Variants in SLC45A3 observed in about 807,000 individuals in gnomAD.
The protein encoded by SLC45A3 is prostate cancer associated protein 2.
A neutral mutation model predicts 35.3 loss-of-function variants in SLC45A3; 17 were observed. That is an observed-to-expected ratio of 0.48 (90% CI 0.33 to 0.72). SLC45A3 has a LOEUF of 0.72. Ranked by LOEUF, SLC45A3 falls within the 30% of genes least tolerant of loss-of-function variation. The pLI is 0.02. For missense variants in SLC45A3, 597 were observed against 731.7 expected (o/e 0.82, Z 2.12); for synonymous variants, 288 against 334.3 (o/e 0.86, Z 1.51).
chr1:205,664,648 C>T lies in SLC45A3; in HGVS notation c.9G>A (p.Gln3=). The T allele has an allele frequency of 6.2e-7, 1 of 1,614,212 alleles. No homozygotes were observed. The highest frequency in any genetic ancestry group is 8.5e-7 in the Non-Finnish European group (1 of 1,180,022). The part of the protein sequence containing the change: MV[Q]RLWVSRLLRH... ...GCAGCAGGCGGCTCACCCACAGCCT[C>T]TGGACCATAGTGGGCCAGGCGGGTA... is the stretch of plus-strand genomic sequence containing the variant. Residue 3 remains glutamine (Q), a synonymous_variant, in exon 2 of 5, where the codon CAG becomes CAA. Coordinates refer to ENST00000367145, the MANE Select transcript of SLC45A3 (RefSeq NM_033102.3). The surrounding 1 kb of genome is among the most constrained non-coding windows in gnomAD (Gnocchi z 5.3).
At position 205,663,161 on chromosome 1, in the gene SLC45A3, G is replaced by C; in HGVS notation, c.630C>G (p.Cys210Trp). Reference protein sequence around the residue: ...FGLLTLIFLTCVAATLLVAEE... With the variant: ...FGLLTLIFLTWVAATLLVAEE... ...CAGCCACCAGCAGTGTGGCTGCTAC[G>C]CAGGTGAGGAAGATGAGGGTGAGCA... The change falls in exon 3 of 5, where the codon TGC becomes TGG. Residue 210 changes from cysteine to tryptophan, a missense_variant. Cys to Trp is a radical substitution (Grantham distance 215). Coordinates refer to ENST00000367145, the MANE Select transcript of SLC45A3 (RefSeq NM_033102.3). 1.2e-6 allele frequency: 2 copies of C among 1,612,732 alleles called. No individual in the cohort carries two copies. Among genetic ancestry groups the C allele is most frequent in the Non-Finnish European group, 1.7e-6 (2 of 1,179,704 alleles).
rs944458595 is a variant in SLC45A3 at position 205,669,743 on chromosome 1, C to T, written c.-230-4857G>A. 7.9e-5 allele frequency among the ~76,000 whole-genome samples: 12 copies of T among 152,184 alleles called. No homozygotes were observed. Among genetic ancestry groups the T allele is most frequent in the Non-Finnish European group, 1.6e-4 (11 of 68,028 alleles). On this transcript the variant is annotated intron_variant, in intron 1 of 4. Coordinates refer to ENST00000367145, the MANE Select transcript of SLC45A3 (RefSeq NM_033102.3). This position sits in a 1 kb window ranked among gnomAD's most constrained non-coding sequence, Gnocchi z 4.1. ...GCTCCTCAGAAGCGGCTCCTCTCCC[C>T]TTCACAGCCACCCCGCAGCCCTCCC...
Position 205,659,567 on chromosome 1 carries a change from A to G in SLC45A3, c.1329T>C (p.Asn443=). 1 of 1,598,622 alleles carries G rather than the reference A, an allele frequency of 6.3e-7. No homozygotes were observed. The highest frequency in any genetic ancestry group is 8.5e-7 in the Non-Finnish European group (1 of 1,172,170). Residue 443 remains asparagine, a synonymous_variant, in exon 5 of 5, where the codon AAT becomes AAC. Transcript: ENST00000367145. This position sits in a 1 kb window ranked among gnomAD's most constrained non-coding sequence, Gnocchi z 5.8. The stretch of plus-strand genomic sequence containing the variant: ...CACTGCCTCCAGCACCCACGTGTCC[A>G]TTAGGGAAGGGAGCTCCAGGCTTAG... ...PGPKPGAPFP[N]GHVGAGGSGL...
At chr1:205,668,125 A>G (rs917616709) in intron 1 of SLC45A3, among the ~76,000 whole-genome samples, 5 of 150,582 alleles carry the variant, frequency 3.3e-5, no homozygotes, top group Non-Finnish European at 7.4e-5. Flanking sequence ...CCCAGACTTT[A>G]CTCTTCCCAG....
chr1:205,679,183 G>A (rs1043865793), intron 1 of SLC45A3, among the ~76,000 whole-genome samples: 2 of 152,156 alleles, frequency 1.3e-5, no homozygotes, highest in Non-Finnish European at 2.9e-5. Flanking sequence ...GACAGCAGCT[G>A]GGCTATTCTT....
rs1268646015 is a variant in SLC45A3, at chr1:205,669,204, G to A, written c.-230-4318C>T. On this transcript the variant is annotated intron_variant, in intron 1 of 4. Coordinates refer to ENST00000367145, the MANE Select transcript of SLC45A3 (RefSeq NM_033102.3). The surrounding 1 kb of genome is among the most constrained non-coding windows in gnomAD (Gnocchi z 4.1). ...AGGGAGCAGCTCCTATGGGCTCAAA[G>A]GTGGTGAGTGGCTCAGATAAACCCT... Among the ~76,000 whole-genome samples, 1 of 152,204 alleles carries A rather than the reference G, an allele frequency of 6.6e-6. No homozygotes were observed. Among genetic ancestry groups the A allele is most frequent in the Non-Finnish European group, 1.5e-5 (1 of 68,036 alleles).
chr1:205,659,705 A>C lies in SLC45A3; in HGVS notation c.1225-34T>G, dbSNP rs1670985617. ...GAGGGGTGAAGAAAAGGGGAAGAGG[A>C]CAGGTGTGTACCCAGCACTGGCACC... On this transcript the variant is annotated intron_variant, in intron 4 of 4. Coordinates refer to ENST00000367145, the MANE Select transcript of SLC45A3 (RefSeq NM_033102.3). The surrounding 1 kb of genome is among the most constrained non-coding windows in gnomAD (Gnocchi z 5.8). The C allele has an allele frequency of 6.6e-7, 1 of 1,508,926 alleles. No homozygotes were observed. The highest frequency in any genetic ancestry group is 1.4e-5 in the African/African-American group (1 of 71,390). 93.5% of individuals were successfully genotyped at this position (1,508,926 alleles called of 1,614,324 possible). A position where few individuals can be genotyped will look rare whatever the true frequency, so the allele number is the denominator to read the frequency against.
At chr1:205,663,859 A>G (rs1671073270) in intron 2 of SLC45A3, among the ~76,000 whole-genome samples, 1 of 152,190 alleles carries the variant, frequency 6.6e-6, no homozygotes, top group Non-Finnish European at 1.5e-5. Flanking sequence ...GCGCAGACCT[A>G]GGGAGGGTAA....
In SLC45A3 at chr1:205,662,408, C is replaced by G. The variant is rs1671043485; in HGVS notation, c.959-282G>C. 1 of 1,357,630 alleles carries G rather than the reference C, an allele frequency of 7.4e-7. No homozygotes were observed. The highest frequency in any genetic ancestry group is 1.9e-5 in the South Asian group (1 of 52,738). 84.1% of individuals were successfully genotyped at this position (1,357,630 alleles called of 1,614,324 possible). A position where few individuals can be genotyped will look rare whatever the true frequency, so the allele number is the denominator to read the frequency against. On this transcript the variant is annotated intron_variant, in intron 3 of 4. Transcript: ENST00000367145. This position sits in a 1 kb window ranked among gnomAD's most constrained non-coding sequence, Gnocchi z 6.2. ...GTGAGGACAGGCGGGTGAGAGGGAA[C>G]ACAAAGACAGCTGGCCATAGGCTTC...
intron 1 of SLC45A3, among the ~76,000 whole-genome samples, chr1:205,677,469 T>A (rs1671331537): frequency 6.6e-6 from 1 of 152,236 alleles, no homozygotes; most frequent in South Asian, 2.1e-4. Context: ...TTTACCTACA[T>A]CAGCTTATTT....
At position 205,666,888 on chromosome 1, in the gene SLC45A3, G is replaced by T. The variant is rs1435360944; in HGVS notation, c.-230-2002C>A. ...CAGTGCTATCCAGCCTAAAGGGAGG[G>T]GTTCTGCGGCCAAAGGCTTCCAGCC... is the stretch of plus-strand genomic sequence containing the variant. On this transcript the variant is annotated intron_variant, in intron 1 of 4. Coordinates refer to ENST00000367145, the MANE Select transcript of SLC45A3 (RefSeq NM_033102.3). This position sits in a 1 kb window ranked among gnomAD's most constrained non-coding sequence, Gnocchi z 4.1. Among the ~76,000 whole-genome samples the T allele has an allele frequency of 6.6e-6, 1 of 152,138 alleles. No homozygotes were observed. The highest frequency in any genetic ancestry group is 1.5e-5 in the Non-Finnish European group (1 of 68,028).
rs368177982 is a variant in SLC45A3, at chr1:205,661,231, AC to A, written c.1224+629del. Among the ~76,000 whole-genome samples, 472 of 152,266 alleles carry A rather than the reference AC, an allele frequency of 3.1e-3. 2 individuals carry two copies. The highest frequency in any genetic ancestry group is 0.011 in the African/African-American group (446 of 41,544). ...ACCAAGAAGGAGGTCCCCACAACTT[AC>A]ACAGTGCCCAAGTGAGTGGGTCAGG... is the stretch of plus-strand genomic sequence containing the variant. On this transcript the variant is annotated intron_variant, in intron 4 of 4. Transcript: ENST00000367145.
intron 1 of SLC45A3, among the ~76,000 whole-genome samples, chr1:205,670,808 T>C (rs928270227): frequency 6.6e-6 from 1 of 152,132 alleles, no homozygotes; most frequent in Admixed American, 6.5e-5. Context: ...CAGCTGCTGC[T>C]GGCCCCCACC....
At position 205,662,717 on chromosome 1, in the gene SLC45A3, T is replaced by C; in HGVS notation, c.958+116A>G. On this transcript the variant is annotated intron_variant, in intron 3 of 4. Coordinates refer to ENST00000367145, the MANE Select transcript of SLC45A3 (RefSeq NM_033102.3). The surrounding 1 kb of genome is among the most constrained non-coding windows in gnomAD (Gnocchi z 6.2). Reference sequence around the variant, plus strand: ...GTATGCAGATGGGGTCCATCCCCACTTTCCTGACAGAGAAGTCGGGGCCAG... The same window carrying C: ...GTATGCAGATGGGGTCCATCCCCACCTTCCTGACAGAGAAGTCGGGGCCAG... 6.8e-7 allele frequency: 1 copy of C among 1,478,348 alleles called. No homozygotes were observed. Among genetic ancestry groups the C allele is most frequent in the Non-Finnish European group, 8.9e-7 (1 of 1,120,980 alleles). 91.6% of individuals were successfully genotyped at this position (1,478,348 alleles called of 1,614,324 possible).
Position 205,659,705 on chromosome 1 carries a change from ACAGGTGTGTACC to A in SLC45A3, c.1225-46_1225-35del. 2 of 1,509,044 alleles carry A rather than the reference ACAGGTGTGTACC, an allele frequency of 1.3e-6. No individual in the cohort carries two copies. The highest frequency in any genetic ancestry group is 2.7e-5 in the South Asian group (2 of 74,096). The allele number at this position is 1,509,044 out of a possible 1,614,324, so 93.5% of individuals were successfully genotyped here. A position where few individuals can be genotyped will look rare whatever the true frequency, so the allele number is the denominator to read the frequency against. ...GAGGGGTGAAGAAAAGGGGAAGAGG[ACAGGTGTGTACC>A]CAGCACTGGCACCACCCCAGCTGTG... On this transcript the variant is annotated intron_variant, in intron 4 of 4. Coordinates refer to ENST00000367145, the MANE Select transcript of SLC45A3 (RefSeq NM_033102.3). The surrounding 1 kb of genome is among the most constrained non-coding windows in gnomAD (Gnocchi z 5.8).
chr1:205,659,556 C>T lies in SLC45A3; in HGVS notation c.1340G>A (p.Gly447Asp). 3.1e-6 allele frequency: 5 copies of T among 1,602,510 alleles called. No individual in the cohort carries two copies. The highest frequency in any genetic ancestry group is 4.3e-6 in the Non-Finnish European group (5 of 1,174,032). The stretch of plus-strand genomic sequence containing the variant: ...TGGGAGCAGGCCACTGCCTCCAGCA[C>T]CCACGTGTCCATTAGGGAAGGGAGC... ...PGAPFPNGHV[G>D]AGGSGLLPPP... Residue 447 changes from glycine to aspartate, a missense_variant, in exon 5 of 5, where the codon GGT (glycine) becomes GAT (aspartate). By Grantham distance (94) the Gly-to-Asp change is moderately conservative. This residue lies in a region of SLC45A3 where 555 missense variants were observed against 664.9 expected (regional missense o/e 0.83). Coordinates refer to ENST00000367145, the MANE Select transcript of SLC45A3 (RefSeq NM_033102.3). The surrounding 1 kb of genome is among the most constrained non-coding windows in gnomAD (Gnocchi z 5.8).
chr1:205,678,146 G>C (rs1018008466), intron 1 of SLC45A3, among the ~76,000 whole-genome samples: 1 of 152,042 alleles, frequency 6.6e-6, no homozygotes, highest in Non-Finnish European at 1.5e-5. Flanking sequence ...GTAAAACCCT[G>C]TATCTACTAA....
Position 205,662,062 on chromosome 1 carries a change from G to T in SLC45A3, c.1023C>A (p.Val341=), listed in dbSNP as rs751391525. The part of the protein sequence containing the change: ...QCAISLVFSL[V]MDRLVQRFGT... ...CGAATCGCTGCACCAGCCGGTCCAT[G>T]ACCAGAGAGAAGACCAGGGAGATGG... Residue 341 remains valine (V), a synonymous_variant, in exon 4 of 5, where the codon GTC becomes GTA. Transcript: ENST00000367145. This position sits in a 1 kb window ranked among gnomAD's most constrained non-coding sequence, Gnocchi z 6.2. 6.2e-7 allele frequency: 1 copy of T among 1,614,144 alleles called. No homozygotes were observed. Among genetic ancestry groups the T allele is most frequent in the South Asian group, 1.1e-5 (1 of 91,074 alleles).
intron 1 of SLC45A3, among the ~76,000 whole-genome samples, chr1:205,665,944 G>A (rs1157128600): frequency 6.6e-6 from 1 of 152,152 alleles, no homozygotes; most frequent in East Asian, 1.9e-4. Flanking sequence ...GACTTTGGGA[G>A]GCCAAGGCAG....
Sources: allele counts gnomAD v4.1 joint callset (sites outside exome capture counted in the v4.1 genomes callset), GRCh38; gene constraint gnomAD v4.1.1; regional missense constraint gnomAD v4.1.1; non-coding constraint Gnocchi (gnomAD v3.1); transcripts MANE v1.5; gene names NCBI Gene and HGNC (gene_info 2026-07-23, HGNC 2026-07-21).